CDH8: variants seen among roughly 807,000 people sequenced by gnomAD.
The protein encoded by CDH8 is cadherin-8.
In CDH8, 17 loss-of-function variants were observed where a neutral mutation model predicts 68.1. That is an observed-to-expected ratio of 0.25 (90% CI 0.17 to 0.37). CDH8 has a LOEUF of 0.37. Among genes scored for constraint, CDH8 ranks in the 10% least tolerant of loss-of-function variants. The pLI, the probability that CDH8 is intolerant of heterozygous loss-of-function variation, is 1.00. For missense variants in CDH8, 763 were observed against 999.3 expected, an observed-to-expected ratio of 0.76 and a Z score of 3.19; for synonymous variants, 372 against 365.1, an observed-to-expected ratio of 1.02 and a Z score of -0.21.
intron 2 of CDH8, among the ~76,000 whole-genome samples, chr16:61,988,109 T>C (rs1855914846): frequency 6.6e-6 from 1 of 152,332 alleles, no homozygotes; most frequent in Non-Finnish European, 1.5e-5. Context: ...AGGACATTAC[T>C]GTTATTTTCC....
intron 8 of CDH8, among the ~76,000 whole-genome samples, chr16:61,770,773 T>C (rs77991664): frequency 0.034 from 5,215 of 151,986 alleles, 292 homozygotes; most frequent in African/African-American, 0.12. Flanking sequence ...AATTAAACAA[T>C]GTAACTGTAG....
At chr16:61,812,141 A>C (rs886507092) in intron 7 of CDH8, among the ~76,000 whole-genome samples, 12 of 152,172 alleles carry the variant, frequency 7.9e-5, no homozygotes, top group African/African-American at 2.9e-4. Flanking sequence ...TGAGGGAATC[A>C]ATCAATACAC....
At chr16:61,975,019 A>G (rs1372133660) in intron 2 of CDH8, among the ~76,000 whole-genome samples, 2 of 152,184 alleles carry the variant, frequency 1.3e-5, no homozygotes, top group Non-Finnish European at 2.9e-5. Flanking sequence ...TGCTTGTAGG[A>G]TGACTCTCTT....
At chr16:61,797,162 T>G (rs1417698848) in intron 7 of CDH8, among the ~76,000 whole-genome samples, 2 of 152,032 alleles carry the variant, frequency 1.3e-5, no homozygotes, top group African/African-American at 2.4e-5. Flanking sequence ...TCCTACCTCC[T>G]TTCCCTCAAC....
At chr16:61,746,981 T>C (rs1449380116) in intron 8 of CDH8, among the ~76,000 whole-genome samples, 2 of 152,128 alleles carry the variant, frequency 1.3e-5, no homozygotes, top group Non-Finnish European at 2.9e-5. Context: ...GAAATGATTA[T>C]AGTACAACCC....
At chr16:61,847,052 A>G (rs555373091) in intron 4 of CDH8, among the ~76,000 whole-genome samples, 1 of 152,284 alleles carries the variant, frequency 6.6e-6, no homozygotes, top group East Asian at 1.9e-4. Context: ...GTTTTTAGAA[A>G]GCATCCATTT....
rs558045767 is a variant in CDH8, at chr16:61,857,101, G to A, written c.667+18C>T. The A allele has an allele frequency of 2.3e-5, 37 of 1,612,632 alleles. No individual in the cohort carries two copies. Among genetic ancestry groups the A allele is most frequent in the East Asian group, 1.6e-4 (7 of 44,802 alleles). ...AGCAAAAACATGGCAAATATAATTC[G>A]AAATTTAGGCCACAAACCTGTTTCA... On this transcript the variant is annotated intron_variant, in intron 4 of 11. Transcript: ENST00000577390.
chr16:61,906,850 C>T (rs1964070772), intron 2 of CDH8, among the ~76,000 whole-genome samples: 2 of 152,156 alleles, frequency 1.3e-5, no homozygotes, highest in African/African-American at 4.8e-5. Context: ...CGCATTTCCT[C>T]ACATATGTAT....
chr16:61,817,823 G>A (rs1170268097), intron 6 of CDH8, 91 bp from the exon 7 acceptor site: 1 of 1,320,676 alleles, frequency 7.6e-7, no homozygotes, highest in Non-Finnish European at 1.0e-6. Context: ...AAAGTTATGT[G>A]CATTTAAACC....
intron 4 of CDH8, among the ~76,000 whole-genome samples, chr16:61,835,592 T>G (rs933070178): frequency 6.6e-6 from 1 of 152,002 alleles, no homozygotes; most frequent in Non-Finnish European, 1.5e-5. Flanking sequence ...TTGAGTTACA[T>G]TGAAATACTT....
chr16:61,976,889 A>G (rs1024857857), intron 2 of CDH8, among the ~76,000 whole-genome samples: 1 of 152,180 alleles, frequency 6.6e-6, no homozygotes, highest in African/African-American at 2.4e-5. Context: ...ATCAGCAAAC[A>G]ATACAAACAC....
At chr16:61,794,297 G>A (rs369022326) in intron 7 of CDH8, among the ~76,000 whole-genome samples, 4 of 151,976 alleles carry the variant, frequency 2.6e-5, no homozygotes, top group East Asian at 3.9e-4. Context: ...CAAAAAACAC[G>A]GGTCCACAGT....
rs1964624793 is a variant in CDH8, at chr16:61,936,215, T to C, written c.253-34742A>G. 2.6e-5 allele frequency among the ~76,000 whole-genome samples: 4 copies of C among 152,270 alleles called. No homozygotes were observed. The South Asian group carries it at 8.3e-4, about 32-fold the overall frequency. On this transcript the variant is annotated intron_variant, in intron 2 of 11. Transcript: ENST00000577390. Reference sequence around the variant, plus strand: ...TATTAATAAATATTTGCATTGAATATTTACAGCTCTTACTTTCCATTTCTC... The same window carrying C: ...TATTAATAAATATTTGCATTGAATACTTACAGCTCTTACTTTCCATTTCTC...
At chr16:61,946,789 A>G (rs1462456158) in intron 2 of CDH8, among the ~76,000 whole-genome samples, 1 of 152,216 alleles carries the variant, frequency 6.6e-6, no homozygotes, top group Non-Finnish European at 1.5e-5. Context: ...CCAAGTAGAC[A>G]CTGCCTATCA....
intron 9 of CDH8, among the ~76,000 whole-genome samples, chr16:61,723,945 A>T (rs1307820185): frequency 6.6e-6 from 1 of 150,700 alleles, no homozygotes; most frequent in African/African-American, 2.4e-5. Flanking sequence ...ATACCATCTT[A>T]AGTCTTTTGA....
intron 1 of CDH8, among the ~76,000 whole-genome samples, chr16:62,025,438 G>GGGCA (rs1390366716): frequency 6.6e-6 from 1 of 152,028 alleles, no homozygotes; most frequent in Non-Finnish European, 1.5e-5. Flanking sequence ...AGGGTGTGAG[G>GGGCA]GGCAACTGAG....
At chr16:61,972,883 C>G (rs942805581) in intron 2 of CDH8, among the ~76,000 whole-genome samples, 3 of 152,080 alleles carry the variant, frequency 2.0e-5, no homozygotes, top group Non-Finnish European at 4.4e-5. Context: ...AAAGCATAAC[C>G]ATTACATAGA....
In CDH8 at chr16:61,653,332, A is replaced by G. The variant is rs1963365913; in HGVS notation, c.*276T>C. The G allele has an allele frequency of 4.9e-6, 6 of 1,218,416 alleles. No individual in the cohort carries two copies. In the South Asian group the frequency reaches 1.8e-4, roughly 37 times the overall value. The allele number at this position is 1,218,416 out of a possible 1,614,324, so 75.5% of individuals were successfully genotyped here. A position where few individuals can be genotyped will look rare whatever the true frequency, so the allele number is the denominator to read the frequency against. Reference sequence around the variant, plus strand: ...TATCTAAGGATTAGCCAGGATCCCAATCTTTGTCTGTGGTGGTCAGGTAAA... The same window carrying G: ...TATCTAAGGATTAGCCAGGATCCCAGTCTTTGTCTGTGGTGGTCAGGTAAA... On this transcript the variant is annotated 3_prime_UTR_variant, in exon 12 of 12. Coordinates refer to ENST00000577390, the MANE Select transcript of CDH8 (RefSeq NM_001796.5).
chr16:61,793,232 G>A (rs980540374), intron 7 of CDH8, among the ~76,000 whole-genome samples: 6 of 151,740 alleles, frequency 4.0e-5, no homozygotes, highest in Admixed American at 2.6e-4. Context: ...TCAGAATTTC[G>A]ATTAATTCAT....
Sources: gnomAD v4.1 joint callset for allele counts (sites outside exome capture counted in the v4.1 genomes callset) on GRCh38, gnomAD v4.1.1 for gene constraint, MANE v1.5 for transcripts, NCBI Gene and HGNC (gene_info 2026-07-23, HGNC 2026-07-21) for gene names.